ZSCAN4: variants seen among roughly 807,000 people sequenced by gnomAD.
The protein encoded by ZSCAN4 is zinc finger and SCAN domain containing 4, also known as zinc finger and SCAN domain-containing protein 4.
A neutral mutation model predicts 18.3 loss-of-function variants in ZSCAN4; 18 were observed. The observed-to-expected ratio is 0.98, with a 90% CI of 0.68 to 1.46. The LOEUF (loss-of-function observed/expected upper bound fraction) is 1.46. Among genes scored for constraint, ZSCAN4 ranks in the 40% most tolerant of loss-of-function variants. ZSCAN4 has a pLI of 0.00. For synonymous variants in ZSCAN4, 193 were observed against 180.3 expected (o/e 1.07, Z -0.57); for missense variants, 498 against 511.4 (o/e 0.97, Z 0.25).
chr19:57,672,625 C>T (rs1263365613), intron 2 of ZSCAN4, among the ~76,000 whole-genome samples: 5 of 141,086 alleles, frequency 3.5e-5, no homozygotes, highest in African/African-American at 1.3e-4. Context: ...TTTTTTGAGA[C>T]AGAATCTTGC....
At chr19:57,652,441 A>G in the ZSCAN4 span, among the ~76,000 whole-genome samples, 1 of 151,670 alleles carries the variant, frequency 6.6e-6, no homozygotes, top group Non-Finnish European at 1.5e-5. Context: ...AATCCTGTTC[A>G]CCCTTTCAAA....
Position 57,678,161 on chromosome 19 carries a change from C to G in ZSCAN4, c.563-5C>G. 1 of 1,610,710 alleles carries G rather than the reference C, an allele frequency of 6.2e-7. No homozygotes were observed. Among genetic ancestry groups the G allele is most frequent in the Non-Finnish European group, 8.5e-7 (1 of 1,178,256 alleles). ...TACAACTTCATTGAGTGTCTATTTT[C>G]ACAGGATATGAAGATGAACAAGATG... On this transcript the variant is annotated splice_region_variant and splice_polypyrimidine_tract_variant and intron_variant, in intron 4 of 4. Coordinates refer to ENST00000318203, the Ensembl canonical transcript of ZSCAN4.
chr19:57,677,989 A>T (rs1185499171), exon 4 of ZSCAN4: 1 of 1,602,556 alleles, frequency 6.2e-7, no homozygotes, highest in Non-Finnish European at 8.5e-7. Context: ...TGTTCATCTC[A>T]CAAAACAAGT....
At chr19:57,662,748 A>G in the ZSCAN4 span, among the ~76,000 whole-genome samples, 1 of 152,050 alleles carries the variant, frequency 6.6e-6, no homozygotes, top group African/African-American at 2.4e-5. Context: ...TTTAATAGAG[A>G]TGGGTTTCAC....
chr19:57,656,557 G>T, the ZSCAN4 span, among the ~76,000 whole-genome samples: 1 of 152,148 alleles, frequency 6.6e-6, no homozygotes. Context: ...CCCTGAAGGG[G>T]CTCTTAAACC....
the ZSCAN4 span, among the ~76,000 whole-genome samples, chr19:57,652,811 A>G: frequency 6.6e-6 from 1 of 152,196 alleles, no homozygotes; most frequent in Non-Finnish European, 1.5e-5. Flanking sequence ...AATTGAAAAG[A>G]GACTCAGCTC....
Position 57,676,245 on chromosome 19 carries a change from C to T in ZSCAN4, c.100C>T (p.Gln34Ter). The T allele has an allele frequency of 6.2e-7, 1 of 1,614,074 alleles. No individual in the cohort carries two copies. Among genetic ancestry groups the T allele is most frequent in the Non-Finnish European group, 8.5e-7 (1 of 1,180,006 alleles). Residue 34 changes from glutamine (Q) to a stop codon, truncating the protein, a stop_gained, in exon 3 of 5, where the codon CAG (glutamine) becomes TAG (stop). Coordinates refer to ENST00000318203, the Ensembl canonical transcript of ZSCAN4. LOFTEE classifies it high-confidence loss of function. ...TCAACAAAGCCAAGGACCTGCTGTT[C>T]AGAGAGAAGAAGGGATTTCTGAGTT...
At chr19:57,659,582 A>G in the ZSCAN4 span, among the ~76,000 whole-genome samples, 506 of 152,322 alleles carry the variant, frequency 3.3e-3, 4 homozygotes, top group African/African-American at 0.011. Context: ...TTTTTGAAAC[A>G]CTGAAGAAAT....
At chr19:57,673,618 G>A (rs1984088569) in intron 2 of ZSCAN4, among the ~76,000 whole-genome samples, 1 of 152,040 alleles carries the variant, frequency 6.6e-6, no homozygotes, top group Admixed American at 6.6e-5. Context: ...TCTGACAGAC[G>A]GAGACCCTGT....
At chr19:57,663,174 A>AT in the ZSCAN4 span, among the ~76,000 whole-genome samples, 1 of 150,418 alleles carries the variant, frequency 6.6e-6, no homozygotes, top group Non-Finnish European at 1.5e-5. Flanking sequence ...CAGTGCTGGG[A>AT]TTACAGGTGT....
chr19:57,654,710 C>T, the ZSCAN4 span, among the ~76,000 whole-genome samples: 2 of 152,192 alleles, frequency 1.3e-5, no homozygotes, highest in African/African-American at 4.8e-5. Context: ...CCCACCTCCA[C>T]CACTCATTTA....
At chr19:57,675,350 A>G (rs963131560) in intron 2 of ZSCAN4, among the ~76,000 whole-genome samples, 1 of 151,702 alleles carries the variant, frequency 6.6e-6, no homozygotes. Context: ...GTTTCACCAT[A>G]TTGGTCAGGC....
upstream of ZSCAN4, chr19:57,664,397 G>A (rs1209063564): frequency 6.6e-6 from 1 of 152,606 alleles, no homozygotes; most frequent in Non-Finnish European, 1.5e-5. Context: ...GCCGCTCAGC[G>A]TCTGGGACCC....
intron 2 of ZSCAN4, among the ~76,000 whole-genome samples, chr19:57,673,803 A>T (rs1057152417): frequency 5.9e-5 from 9 of 152,060 alleles, no homozygotes; most frequent in Non-Finnish European, 8.8e-5. Context: ...GCCTAAGCTG[A>T]AGTGCAGTGG....
the ZSCAN4 span, among the ~76,000 whole-genome samples, chr19:57,662,154 G>C: frequency 6.6e-6 from 1 of 151,338 alleles, no homozygotes; most frequent in Non-Finnish European, 1.5e-5. Flanking sequence ...TATAGTTTAT[G>C]ATAGAAAATA....
At chr19:57,671,095 C>G (rs1984008947) in intron 2 of ZSCAN4, among the ~76,000 whole-genome samples, 1 of 152,078 alleles carries the variant, frequency 6.6e-6, no homozygotes, top group East Asian at 1.9e-4. Flanking sequence ...CTCCTGGCCT[C>G]CAGTGATTTG....
upstream of ZSCAN4, among the ~76,000 whole-genome samples, chr19:57,665,582 T>C (rs1983830590): frequency 6.6e-6 from 1 of 152,206 alleles, no homozygotes; most frequent in East Asian, 1.9e-4. Flanking sequence ...TGAATCATTG[T>C]TCTTTTGTAA....
the ZSCAN4 span, among the ~76,000 whole-genome samples, chr19:57,654,517 C>T: frequency 3.3e-5 from 5 of 152,128 alleles, no homozygotes; most frequent in African/African-American, 7.2e-5. Flanking sequence ...ACCTCAAACT[C>T]ATTCGTTGGA....
the ZSCAN4 span, among the ~76,000 whole-genome samples, chr19:57,653,015 G>A: frequency 6.6e-6 from 1 of 152,068 alleles, no homozygotes; most frequent in South Asian, 2.1e-4. Context: ...CCCAGTTGGG[G>A]CCTTCGTTGT....
Sources: gnomAD v4.1 joint callset for allele counts (sites outside exome capture counted in the v4.1 genomes callset) on GRCh38, gnomAD v4.1.1 for gene constraint, MANE v1.5 for transcripts, NCBI Gene and HGNC (gene_info 2026-07-23, HGNC 2026-07-21) for gene names.